Variants in NFXL1 observed in about 807,000 individuals in gnomAD.
NFXL1 encodes nuclear transcription factor, X-box binding like 1.
In NFXL1, 66 loss-of-function variants were observed where a neutral mutation model predicts 123.3. The ratio of observed to expected loss-of-function variants is 0.54; its 90% CI spans 0.44 to 0.66. The LOEUF (loss-of-function observed/expected upper bound fraction) is 0.66, where lower values mean the gene tolerates loss of function less well. Among genes scored for constraint, NFXL1 ranks in the 30% least tolerant of loss-of-function variants. The probability of loss-of-function intolerance (pLI) is 0.00; values close to 1 mark genes in which losing one functional copy is unlikely to be tolerated. For missense variants in NFXL1, 944 were observed against 1,125.6 expected (o/e 0.84, Z 2.31); for synonymous variants, 346 against 360.8 (o/e 0.96, Z 0.46).
At position 47,894,072 on chromosome 4, in the gene NFXL1, T is replaced by C. The variant is rs573885486; in HGVS notation, c.1452+108A>G. The C allele has an allele frequency of 5.9e-6, 4 of 681,234 alleles. No individual in the cohort carries two copies. In the East Asian group the frequency reaches 1.2e-4, roughly 20 times the overall value. The allele number at this position is 681,234 out of a possible 1,614,324, so 42.2% of individuals were successfully genotyped here. A position where few individuals can be genotyped will look rare whatever the true frequency, so the allele number is the denominator to read the frequency against. ...TTTATTAATATATTAAAGGAAAGCA[T>C]ATGCCTGAACATTTGAGAAACAATT... On this transcript the variant is annotated intron_variant, in intron 11 of 22. Coordinates refer to ENST00000507489, the MANE Select transcript of NFXL1 (RefSeq NM_001278624.2).
chr4:47,859,852 AAAAAAAAAAAAAAAAAAAC>A (rs1213884337), intron 19 of NFXL1, among the ~76,000 whole-genome samples: 143 of 137,434 alleles, frequency 1.0e-3, no homozygotes, highest in African/African-American at 3.8e-3. Context: ...AAAAAAAAAA[AAAAAAAAAAAAAAAAAAAC>A]AAACAAACAA....
chr4:47,873,512 T>C (rs563217717), intron 18 of NFXL1, among the ~76,000 whole-genome samples: 3 of 152,354 alleles, frequency 2.0e-5, no homozygotes, highest in South Asian at 4.1e-4. Flanking sequence ...ATTATAGCTC[T>C]TGGGTAACCA....
intron 2 of NFXL1, among the ~76,000 whole-genome samples, chr4:47,911,434 T>C (rs1737823601): frequency 6.6e-6 from 1 of 152,162 alleles, no homozygotes; most frequent in Non-Finnish European, 1.5e-5. Context: ...ACTACCGTCT[T>C]CTGAACAACA....
chr4:47,899,341 A>G, intron 6 of NFXL1, 29 bp downstream of exon 6: 1 of 1,567,882 alleles, frequency 6.4e-7, no homozygotes, highest in Non-Finnish European at 8.7e-7. Context: ...ATCACCCACA[A>G]ACAATTTAAA....
intron 18 of NFXL1, 64 bp downstream of exon 18, chr4:47,875,063 A>G (rs1028706084): frequency 1.7e-6 from 2 of 1,151,650 alleles, no homozygotes; most frequent in Non-Finnish European, 2.5e-6. Flanking sequence ...AGGGTTCTTA[A>G]TTATAAAAAG....
intron 2 of NFXL1, among the ~76,000 whole-genome samples, chr4:47,912,967 T>G (rs1021247746): frequency 2.1e-5 from 3 of 141,764 alleles, no homozygotes; most frequent in African/African-American, 7.9e-5. Flanking sequence ...GAGCCGAGAT[T>G]GCGCCACTGC....
chr4:47,874,261 A>C (rs1735609904), intron 18 of NFXL1, among the ~76,000 whole-genome samples: 1 of 152,172 alleles, frequency 6.6e-6, no homozygotes, highest in African/African-American at 2.4e-5. Context: ...GGTGCAAGAG[A>C]CCTAACTTTT....
intron 11 of NFXL1, among the ~76,000 whole-genome samples, chr4:47,893,175 T>C (rs575019795): frequency 6.6e-6 from 1 of 151,508 alleles, no homozygotes; most frequent in Admixed American, 6.6e-5. Context: ...AGAAACAGAC[T>C]GAAAAATAAA....
At chr4:47,904,047 A>G (rs1331392694) in intron 4 of NFXL1, among the ~76,000 whole-genome samples, 1 of 152,242 alleles carries the variant, frequency 6.6e-6, no homozygotes, top group Admixed American at 6.5e-5. Context: ...CAACAGCATT[A>G]AACAGCCGAC....
At chr4:47,868,365 G>A (rs1383908150) in intron 18 of NFXL1, among the ~76,000 whole-genome samples, 2 of 150,858 alleles carry the variant, frequency 1.3e-5, no homozygotes, top group Non-Finnish European at 3.0e-5. Context: ...GTCGGAATGG[G>A]GGTAGAATAA....
chr4:47,849,659 TACAG>T (rs1405114098), intron 22 of NFXL1, among the ~76,000 whole-genome samples: 3 of 152,188 alleles, frequency 2.0e-5, no homozygotes, highest in African/African-American at 7.2e-5. Context: ...ACTTGAGGAC[TACAG>T]ACACAGTAAA....
At chr4:47,909,704 G>A (rs976027874) in intron 3 of NFXL1, among the ~76,000 whole-genome samples, 2 of 150,536 alleles carry the variant, frequency 1.3e-5, no homozygotes, top group African/African-American at 4.9e-5. Context: ...TGTCTCCCAG[G>A]CTGGAGTGCA....
Position 47,903,250 on chromosome 4 carries a change from A to C in NFXL1, c.590T>G (p.Phe197Cys), listed in dbSNP as rs1357298857. ...CIQKWAKDSQ[F>C]LVSSVTDDDF... is the part of the protein sequence containing the mutation. ...ATCATCAGTCACAGAAGATACAAGAAACTGGCTGTCTTTAGCCCACTTCTG... is the reference window on the plus strand; with the variant it reads ...ATCATCAGTCACAGAAGATACAAGACACTGGCTGTCTTTAGCCCACTTCTG... The change falls in exon 5 of 23, where the codon TTT (phenylalanine) becomes TGT (cysteine). Residue 197 changes from phenylalanine (F) to cysteine (C), a missense_variant. Phe to Cys is a radical substitution (Grantham distance 205). Around this residue, in one of 4 missense-constraint regions of NFXL1, gnomAD observed 303 missense variants for 292.1 expected, o/e 1.04. Coordinates refer to ENST00000507489, the MANE Select transcript of NFXL1 (RefSeq NM_001278624.2). The C allele has an allele frequency of 6.2e-7, 1 of 1,600,852 alleles. No individual in the cohort carries two copies. The highest frequency in any genetic ancestry group is 8.5e-7 in the Non-Finnish European group (1 of 1,173,238).
At chr4:47,901,637 A>T (rs1054350700) in intron 5 of NFXL1, among the ~76,000 whole-genome samples, 4 of 152,222 alleles carry the variant, frequency 2.6e-5, no homozygotes, top group African/African-American at 9.6e-5. Context: ...AAGAAAAATA[A>T]TATTTCTAAA....
chr4:47,854,395 G>C (rs1306214839), intron 20 of NFXL1, among the ~76,000 whole-genome samples: 2 of 152,074 alleles, frequency 1.3e-5, no homozygotes, highest in South Asian at 2.1e-4. Flanking sequence ...CTGCCAACAG[G>C]GAAGATCAAG....
intron 2 of NFXL1, among the ~76,000 whole-genome samples, chr4:47,912,998 C>G (rs1296831642): frequency 8.6e-6 from 1 of 116,652 alleles, no homozygotes; most frequent in Non-Finnish European, 1.7e-5. Flanking sequence ...GGGCGACCAG[C>G]GAGACTCTGT....
At chr4:47,888,063 CAGG>C in intron 12 of NFXL1, among the ~76,000 whole-genome samples, 1 of 152,106 alleles carries the variant, frequency 6.6e-6, no homozygotes, top group Non-Finnish European at 1.5e-5. Flanking sequence ...ATCACGAGGT[CAGG>C]AGATCGAGAC....
At chr4:47,866,026 A>G (rs1735049236) in intron 18 of NFXL1, among the ~76,000 whole-genome samples, 1 of 152,152 alleles carries the variant, frequency 6.6e-6, no homozygotes, top group Admixed American at 6.5e-5. Flanking sequence ...AAAAATAAAA[A>G]TAAAAAAAAA....
chr4:47,865,994 G>A (rs1040348455), intron 18 of NFXL1, among the ~76,000 whole-genome samples: 2 of 152,012 alleles, frequency 1.3e-5, no homozygotes, highest in Admixed American at 6.6e-5. Flanking sequence ...CAGTCTGGGA[G>A]ACAGAGAGAC....
Sources: gnomAD v4.1 joint callset for allele counts (sites outside exome capture counted in the v4.1 genomes callset) on GRCh38, gnomAD v4.1.1 for gene constraint, gnomAD v4.1.1 regional missense constraint, MANE v1.5 for transcripts, NCBI Gene and HGNC (gene_info 2026-07-23, HGNC 2026-07-21) for gene names.